The following INVS variants were observed in gnomAD, a reference collection of about 807,000 sequenced individuals.
The protein encoded by INVS is inversin.
In INVS, 86 loss-of-function variants were observed where a neutral mutation model predicts 108.8. The ratio of observed to expected loss-of-function variants is 0.79; its 90% CI spans 0.66 to 0.95. The LOEUF is 0.95. Ranked by LOEUF, INVS falls within the 40% of genes least tolerant of loss-of-function variation. The pLI, the probability that INVS is intolerant of heterozygous loss-of-function variation, is 0.00. For synonymous variants in INVS, 455 were observed against 473.5 expected (o/e 0.96, Z 0.51); for missense variants, 1,169 against 1,297.4 (o/e 0.90, Z 1.52).
At chr9:100,159,728 A>T (rs938324465) in intron 3 of INVS, among the ~76,000 whole-genome samples, 1 of 152,224 alleles carries the variant, frequency 6.6e-6, no homozygotes, top group East Asian at 1.9e-4. Context: ...ACTAATAACT[A>T]TGAAATTACC....
intron 5 of INVS, among the ~76,000 whole-genome samples, chr9:100,239,770 A>G (rs141556154): frequency 0.013 from 1,911 of 152,170 alleles, 41 homozygotes; most frequent in African/African-American, 0.043. Context: ...CTAGGAATTC[A>G]AGACCAGCCT....
chr9:100,123,699 C>G (rs1827794509), intron 2 of INVS, among the ~76,000 whole-genome samples: 1 of 152,208 alleles, frequency 6.6e-6, no homozygotes, highest in Non-Finnish European at 1.5e-5. Context: ...TCCAAAGTGA[C>G]TCTACCATTT....
At chr9:100,296,301 G>C (rs1833789992) in intron 14 of INVS, among the ~76,000 whole-genome samples, 1 of 152,146 alleles carries the variant, frequency 6.6e-6, no homozygotes, top group South Asian at 2.1e-4. Context: ...AATCCTAGAT[G>C]TAAATATAGC....
chr9:100,259,722 G>A (rs1182374600), intron 10 of INVS, among the ~76,000 whole-genome samples: 1 of 151,800 alleles, frequency 6.6e-6, no homozygotes, highest in Non-Finnish European at 1.5e-5. Flanking sequence ...GCTAATTTTT[G>A]TATTTTTAGT....
At chr9:100,283,547 T>G (rs1833341177) in intron 12 of INVS, among the ~76,000 whole-genome samples, 1 of 152,138 alleles carries the variant, frequency 6.6e-6, no homozygotes, top group African/African-American at 2.4e-5. Flanking sequence ...TGCCCCTAAC[T>G]CGGCCCCTTT....
Position 100,292,771 on chromosome 9 carries a change from C to G in INVS, c.2514C>G (p.Ala838=). The change falls in exon 14 of 17, where the codon GCC becomes GCG. Residue 838 remains alanine, a synonymous_variant. Coordinates refer to ENST00000262457, the MANE Select transcript of INVS (RefSeq NM_014425.5). ...CACCAAGAAACAAAGTGACACAAGCCAAGCTCACAGGAGGGCTCTATTCAC... is the reference window on the plus strand; with the variant it reads ...CACCAAGAAACAAAGTGACACAAGCGAAGCTCACAGGAGGGCTCTATTCAC... ...HRTPRNKVTQ[A]KLTGGLYSHL... 6.2e-7 allele frequency: 1 copy of G among 1,614,176 alleles called. No homozygotes were observed. The highest frequency in any genetic ancestry group is 8.5e-7 in the Non-Finnish European group (1 of 1,180,030).
chr9:100,215,737 G>A (rs1463955880), intron 3 of INVS, among the ~76,000 whole-genome samples: 1 of 152,166 alleles, frequency 6.6e-6, no homozygotes, highest in Non-Finnish European at 1.5e-5. Context: ...TGGTGGAGCA[G>A]CAACACCATA....
chr9:100,220,800 C>A (rs1043397147), intron 3 of INVS, among the ~76,000 whole-genome samples: 1 of 152,084 alleles, frequency 6.6e-6, no homozygotes, highest in African/African-American at 2.4e-5. Context: ...AGTTTGAGAC[C>A]AGCCTGGCCA....
At chr9:100,279,447 A>G (rs141538274) in intron 12 of INVS, among the ~76,000 whole-genome samples, 51 of 152,326 alleles carry the variant, frequency 3.3e-4, no homozygotes, top group African/African-American at 1.1e-3. Context: ...GTATCATTCA[A>G]TTATGCCACT....
At chr9:100,216,057 G>A (rs1830975906) in intron 3 of INVS, among the ~76,000 whole-genome samples, 2 of 152,060 alleles carry the variant, frequency 1.3e-5, no homozygotes, top group South Asian at 2.1e-4. Context: ...GATTTCAGTC[G>A]GTCTTATCAG....
intron 14 of INVS, among the ~76,000 whole-genome samples, chr9:100,295,824 C>A (rs1230490121): frequency 6.6e-6 from 1 of 152,228 alleles, no homozygotes; most frequent in Non-Finnish European, 1.5e-5. Context: ...GGCTTCCCCC[C>A]AAGTTCTGTG....
At chr9:100,131,845 A>G in intron 3 of INVS, 1 of 751,008 alleles carries the variant, frequency 1.3e-6, no homozygotes, top group Non-Finnish European at 1.6e-6. Context: ...CAGTTCATCT[A>G]TGAAAATTGA....
intron 3 of INVS, among the ~76,000 whole-genome samples, chr9:100,209,122 C>T (rs917599107): frequency 6.6e-6 from 1 of 151,954 alleles, no homozygotes; most frequent in African/African-American, 2.4e-5. Flanking sequence ...CTAAAGCGAA[C>T]ATCAATATGC....
rs1017461576 is a variant in INVS, at chr9:100,148,313, G to T, written c.273+21764G>T. Among the ~76,000 whole-genome samples the T allele has an allele frequency of 2.0e-5, 3 of 152,164 alleles. No homozygotes were observed. In the South Asian group the frequency reaches 6.2e-4, roughly 31 times the overall value. On this transcript the variant is annotated intron_variant, in intron 3 of 16. Transcript: ENST00000262457. ...CAGACTAGAGCAGAAGTAGGAGAAA[G>T]CTTTTATTATGTACCTCTTTATATT... is the stretch of plus-strand genomic sequence containing the variant.
chr9:100,238,071 GT>G (rs747891938), intron 5 of INVS, among the ~76,000 whole-genome samples: 3 of 151,958 alleles, frequency 2.0e-5, no homozygotes, highest in Non-Finnish European at 4.4e-5. Context: ...TAGAGACGGG[GT>G]TTCACCATGT....
chr9:100,172,014 A>C (rs1829557149), intron 3 of INVS, among the ~76,000 whole-genome samples: 1 of 152,150 alleles, frequency 6.6e-6, no homozygotes. Flanking sequence ...AATATATTTG[A>C]AAGGACTCTG....
chr9:100,266,936 T>G (rs1832810352), intron 11 of INVS, among the ~76,000 whole-genome samples: 1 of 151,674 alleles, frequency 6.6e-6, no homozygotes, highest in Admixed American at 6.6e-5. Flanking sequence ...ATGTTCCTGT[T>G]TTCTAGAACC....
At chr9:100,164,176 T>C (rs971964220) in intron 3 of INVS, among the ~76,000 whole-genome samples, 4 of 152,232 alleles carry the variant, frequency 2.6e-5, no homozygotes, top group African/African-American at 4.8e-5. Flanking sequence ...GAAATGTGTA[T>C]ACATTCTGGA....
intron 3 of INVS, among the ~76,000 whole-genome samples, chr9:100,165,465 T>A (rs1352291337): frequency 6.6e-6 from 1 of 152,108 alleles, no homozygotes; most frequent in Non-Finnish European, 1.5e-5. Flanking sequence ...AAGAGAAACT[T>A]CCCCATATCT....
Sources: allele counts gnomAD v4.1 joint callset (sites outside exome capture counted in the v4.1 genomes callset), GRCh38; gene constraint gnomAD v4.1.1; transcripts MANE v1.5; gene names NCBI Gene and HGNC (gene_info 2026-07-23, HGNC 2026-07-21).